Variants in ZNF516 observed in about 807,000 individuals in gnomAD.
ZNF516 encodes zinc finger protein 516.
Under a neutral mutation model 79.7 loss-of-function variants are expected in ZNF516, and 19 were observed. The ratio of observed to expected loss-of-function variants is 0.24; its 90% CI spans 0.17 to 0.35. The LOEUF (loss-of-function observed/expected upper bound fraction) is 0.35, where lower values mean the gene tolerates loss of function less well. Among genes scored for constraint, ZNF516 ranks in the 10% least tolerant of loss-of-function variants. The probability of loss-of-function intolerance (pLI) is 1.00; values close to 1 mark genes in which losing one functional copy is unlikely to be tolerated. For missense variants in ZNF516, 1,678 were observed against 1,679.5 expected, an observed-to-expected ratio of 1.00 and a Z score of 0.02; for synonymous variants, 877 against 739.5, an observed-to-expected ratio of 1.19 and a Z score of -3.02.
upstream of ZNF516, chr18:76,495,686 C>A (rs921693531): frequency 1.7e-6 from 2 of 1,192,474 alleles, no homozygotes; most frequent in Non-Finnish European, 2.1e-6. Flanking sequence ...ACACGCGCAT[C>A]CATACGTACA....
intron 1 of ZNF516, among the ~76,000 whole-genome samples, chr18:76,478,797 T>C (rs1477586220): frequency 6.6e-6 from 1 of 152,212 alleles, no homozygotes; most frequent in Non-Finnish European, 1.5e-5. Flanking sequence ...GGCTCAGACC[T>C]GTAATCCCGG....
chr18:76,372,091 C>A (rs1286990496), intron 4 of ZNF516, among the ~76,000 whole-genome samples: 1 of 152,204 alleles, frequency 6.6e-6, no homozygotes, highest in Non-Finnish European at 1.5e-5. Context: ...GCTCTGAGGC[C>A]CCGGCCCCCA....
intron 3 of ZNF516, among the ~76,000 whole-genome samples, chr18:76,410,926 G>A (rs146873784): frequency 6.6e-6 from 1 of 152,316 alleles, no homozygotes; most frequent in East Asian, 1.9e-4. Context: ...ACAACAGTGT[G>A]CTCAGTCTGC....
intron 3 of ZNF516, among the ~76,000 whole-genome samples, chr18:76,405,001 G>T (rs1289252685): frequency 6.6e-6 from 1 of 152,112 alleles, no homozygotes; most frequent in East Asian, 1.9e-4. Context: ...AGCAACCCAG[G>T]TATAAGCAGT....
intron 1 of ZNF516, among the ~76,000 whole-genome samples, chr18:76,483,831 A>G (rs1914672727): frequency 6.6e-6 from 1 of 152,180 alleles, no homozygotes; most frequent in Non-Finnish European, 1.5e-5. Flanking sequence ...ATCTGCGCAG[A>G]TAGCTGCCTG....
intron 3 of ZNF516, among the ~76,000 whole-genome samples, chr18:76,425,253 T>C (rs182590620): frequency 2.1e-4 from 32 of 152,200 alleles, no homozygotes; most frequent in Non-Finnish European, 3.5e-4. Context: ...GCCTTTTCCA[T>C]TTGCCCCGTG....
At chr18:76,443,263 G>A in intron 2 of ZNF516, 52 bp from the exon 3 acceptor site, 1 of 711,648 alleles carries the variant, frequency 1.4e-6, no homozygotes, top group Non-Finnish European at 2.2e-6. Context: ...AGAGGGCACA[G>A]GCATGGCTGC....
Position 76,362,349 on chromosome 18 carries a change from CAG to C in ZNF516, c.*147_*148del. The C allele has an allele frequency of 1.6e-6, 1 of 625,012 alleles. No homozygotes were observed. The allele number at this position is 625,012 out of a possible 1,614,324, so 38.7% of individuals were successfully genotyped here. On this transcript the variant is annotated 3_prime_UTR_variant, in exon 7 of 7. Transcript: ENST00000443185. ...TCTGCCTTCAGTTTCCACTCCAGCG[CAG>C]CGGCTCGGGATGTGAGGTGTCTGCT... is the stretch of plus-strand genomic sequence containing the variant.
At chr18:76,437,178 C>G (rs928003899) in intron 3 of ZNF516, among the ~76,000 whole-genome samples, 1 of 151,880 alleles carries the variant, frequency 6.6e-6, no homozygotes, top group Non-Finnish European at 1.5e-5. Context: ...AGTTGTTGAA[C>G]CTCTGTGCCC....
intron 1 of ZNF516, chr18:76,492,960 A>G (rs1363046621): frequency 1.0e-6 from 1 of 985,600 alleles, no homozygotes; most frequent in Non-Finnish European, 1.2e-6. Flanking sequence ...GTGCAGACAC[A>G]TGGGCTCATG....
At chr18:76,469,348 C>A (rs1042795579) in intron 1 of ZNF516, among the ~76,000 whole-genome samples, 1 of 152,102 alleles carries the variant, frequency 6.6e-6, no homozygotes, top group Non-Finnish European at 1.5e-5. Context: ...ATTTAGAGGG[C>A]TTTTTAAAAA....
chr18:76,487,985 G>A (rs1056288452), intron 1 of ZNF516: 1 of 985,406 alleles, frequency 1.0e-6, no homozygotes, highest in East Asian at 1.1e-4. Context: ...ACCAGCCCAA[G>A]GGGAACCTAA....
In ZNF516 at chr18:76,379,471, G is replaced by A. The variant is rs766523976; in HGVS notation, c.2643C>T (p.Gly881=). ...GTTTGGTCTGTCGATACCCGTCAGG[G>A]CCGGGCGCCCACAGAGCGCAGGGAC... ...SGGPCALWAP[G]PDGYRQTKPC... Residue 881 remains glycine (G), a synonymous_variant, in exon 4 of 7, where the codon GGC becomes GGT. Transcript: ENST00000443185. 1.9e-6 allele frequency: 3 copies of A among 1,613,652 alleles called. No individual in the cohort carries two copies. The highest frequency in any genetic ancestry group is 1.1e-5 in the South Asian group (1 of 91,088).
chr18:76,480,466 C>T (rs1914444004), intron 1 of ZNF516, among the ~76,000 whole-genome samples: 2 of 150,164 alleles, frequency 1.3e-5, no homozygotes, highest in Middle Eastern at 3.4e-3. Context: ...CTGGTTTTTA[C>T]ATATATATAC....
intron 3 of ZNF516, among the ~76,000 whole-genome samples, chr18:76,437,840 T>C (rs1009851520): frequency 1.3e-5 from 2 of 152,242 alleles, no homozygotes; most frequent in Non-Finnish European, 2.9e-5. Flanking sequence ...TTTCAGGCTG[T>C]GGTTGCTTGA....
chr18:76,405,631 G>A (rs72973783), intron 3 of ZNF516, among the ~76,000 whole-genome samples: 4 of 151,984 alleles, frequency 2.6e-5, no homozygotes, highest in Admixed American at 2.6e-4. Context: ...TTCTGCTTGC[G>A]GTTCATTTAA....
chr18:76,453,500 C>G (rs1359505445), intron 2 of ZNF516, among the ~76,000 whole-genome samples: 1 of 152,140 alleles, frequency 6.6e-6, no homozygotes, highest in Non-Finnish European at 1.5e-5. Context: ...GCTAAAGTTG[C>G]GCATAACTCA....
chr18:76,427,204 A>G (rs2075606724), intron 3 of ZNF516, among the ~76,000 whole-genome samples: 1 of 152,196 alleles, frequency 6.6e-6, no homozygotes, highest in South Asian at 2.1e-4. Flanking sequence ...ATTGGTTTCA[A>G]CACTTACGAC....
chr18:76,370,694 AC>A, intron 5 of ZNF516, 99 bp from the exon 6 acceptor site: 1 of 1,024,642 alleles, frequency 9.8e-7, no homozygotes, highest in Non-Finnish European at 1.3e-6. Context: ...ACAAAAAAAG[AC>A]ACCAGCGCCT....
Sources: allele counts gnomAD v4.1 joint callset (sites outside exome capture counted in the v4.1 genomes callset), GRCh38; gene constraint gnomAD v4.1.1; transcripts MANE v1.5; gene names NCBI Gene and HGNC (gene_info 2026-07-23, HGNC 2026-07-21).